The following BAZ2A variants were observed in gnomAD, a reference collection of about 807,000 sequenced individuals.
The protein encoded by BAZ2A is bromodomain adjacent to zinc finger domain protein 2A.
In BAZ2A, 34 loss-of-function variants were observed where a neutral mutation model predicts 199.9. The ratio of observed to expected loss-of-function variants is 0.17; its 90% confidence interval spans 0.13 to 0.23. BAZ2A has a LOEUF of 0.23. BAZ2A is among the 10% of genes least tolerant of loss of function. The probability of loss-of-function intolerance (pLI) is 1.00; values close to 1 mark genes in which losing one functional copy is unlikely to be tolerated. For synonymous variants in BAZ2A, 857 were observed against 883.9 expected (o/e 0.97, Z 0.54); for missense variants, 2,002 against 2,391.1 (o/e 0.84, Z 3.39).
At position 56,601,023 on chromosome 12, in the gene BAZ2A, C is replaced by T; in HGVS notation, c.4370G>A (p.Gly1457Asp). ...TTTGTGAAGTGCCTTCTCCCGGATA[C>T]CTCGGGGGTGTAGGGCCTTGAGCAT... is the stretch of plus-strand genomic sequence containing the variant. ...DAMLKALHPR[G>D]IREKALHKHL... Residue 1457 changes from glycine to aspartate, a missense_variant, in exon 22 of 29, where the codon GGT becomes GAT. Gly to Asp is a moderately conservative substitution (Grantham distance 94). Coordinates refer to ENST00000549884, the MANE Select transcript of BAZ2A (RefSeq NM_001300905.2). 1.2e-6 allele frequency: 2 copies of T among 1,610,724 alleles called. No individual in the cohort carries two copies. The highest frequency in any genetic ancestry group is 1.7e-6 in the Non-Finnish European group (2 of 1,178,404).
rs748680312 is a variant in BAZ2A, at chr12:56,600,460, G to A, written c.4633C>T (p.Arg1545Cys). 2.5e-6 allele frequency: 4 copies of A among 1,613,802 alleles called. No individual in the cohort carries two copies. Among genetic ancestry groups the A allele is most frequent in the Admixed American group, 1.7e-5 (1 of 60,020 alleles). ...GWTCPSPDST[R>C]EDLAYCEHLS... is the part of the protein sequence containing the mutation. Reference sequence around the variant, plus strand: ...TGCTCACAGTAGGCCAAGTCTTCACGGGTAGAGTCTGGGCTAGGACATGTC... The same window carrying A: ...TGCTCACAGTAGGCCAAGTCTTCACAGGTAGAGTCTGGGCTAGGACATGTC... The change falls in exon 24 of 29, where the codon CGT becomes TGT. Residue 1545 changes from arginine to cysteine, a missense_variant. Physicochemically the swap from Arg to Cys is radical, Grantham distance 180. Around this residue, in one of 6 missense-constraint regions of BAZ2A, gnomAD observed 1,081 missense variants for 1,274.7 expected, o/e 0.85. Coordinates refer to ENST00000549884, the MANE Select transcript of BAZ2A (RefSeq NM_001300905.2).
intron 2 of BAZ2A, among the ~76,000 whole-genome samples, chr12:56,615,955 G>A (rs1485794293): frequency 1.3e-5 from 2 of 152,184 alleles, no homozygotes; most frequent in African/African-American, 4.8e-5. Context: ...CCAGGCTGGA[G>A]TGCAGTGGTG....
At chr12:56,623,031 T>C (rs1285364702) in intron 1 of BAZ2A, among the ~76,000 whole-genome samples, 3 of 151,790 alleles carry the variant, frequency 2.0e-5, no homozygotes, top group Non-Finnish European at 2.9e-5. Flanking sequence ...GGTCAAGAGA[T>C]CGAGACCATC....
Position 56,617,456 on chromosome 12 carries a change from A to G in BAZ2A, c.75T>C (p.Pro25=). The G allele has an allele frequency of 6.2e-7, 1 of 1,608,340 alleles. No individual in the cohort carries two copies. The change falls in exon 2 of 29, where the codon CCT becomes CCC. Residue 25 remains proline, a synonymous_variant. Coordinates refer to ENST00000549884, the MANE Select transcript of BAZ2A (RefSeq NM_001300905.2). ...TAGTGTAGAGGCCCTCCCCTGAGGAAGGAGAGGGTTTCAGTCCTGAGGCAG... is the reference window on the plus strand; with the variant it reads ...TAGTGTAGAGGCCCTCCCCTGAGGAGGGAGAGGGTTTCAGTCCTGAGGCAG... ...APAASGLKPS[P]SSGEGLYTNG...
chr12:56,598,749 G>A lies in BAZ2A; in HGVS notation c.5581C>T (p.Leu1861Phe), dbSNP rs1169785332. 4.3e-6 allele frequency: 7 copies of A among 1,612,896 alleles called. No individual in the cohort carries two copies. The highest frequency in any genetic ancestry group is 5.1e-6 in the Non-Finnish European group (6 of 1,179,414). Residue 1861 changes from leucine (L) to phenylalanine (F), a missense_variant, in exon 29 of 29, where the codon CTC becomes TTC. Around this residue, in one of 6 missense-constraint regions of BAZ2A, gnomAD observed 76 missense variants for 139.3 expected, o/e 0.55. Transcript: ENST00000549884. ...GTCTGGCAGTTGTCAAATACCAGGAGGGCATCAGCCGCAAACTCCTCTGAG... is the reference window on the plus strand; with the variant it reads ...GTCTGGCAGTTGTCAAATACCAGGAAGGCATCAGCCGCAAACTCCTCTGAG... ...TSSEEFAADA[L>F]LVFDNCQTFN...
At chr12:56,602,431 G>A (rs953363847) in intron 19 of BAZ2A, among the ~76,000 whole-genome samples, 2 of 152,044 alleles carry the variant, frequency 1.3e-5, no homozygotes, top group Non-Finnish European at 2.9e-5. Context: ...AAACAACTAC[G>A]GGTTAAGTAT....
In BAZ2A at chr12:56,599,970, G is replaced by A; in HGVS notation, c.5019C>T (p.Asn1673=). The A allele has an allele frequency of 1.2e-6, 2 of 1,613,966 alleles. No homozygotes were observed. Among genetic ancestry groups the A allele is most frequent in the Non-Finnish European group, 8.5e-7 (1 of 1,179,876 alleles). The stretch of plus-strand genomic sequence containing the variant: ...GGCTCTCTCAGCCTCTTACCACTTT[G>A]TTGACAGACTTCTCCCAGGCAATGG... ...ERSIAWEKSV[N]KVTCLVCRKG... Residue 1673 remains asparagine (N), a synonymous_variant, in exon 25 of 29, where the codon AAC becomes AAT. Coordinates refer to ENST00000549884, the MANE Select transcript of BAZ2A (RefSeq NM_001300905.2).
chr12:56,603,888 C>G (rs1309457612), intron 16 of BAZ2A, among the ~76,000 whole-genome samples, 188 bp from the exon 17 acceptor site: 1 of 152,186 alleles, frequency 6.6e-6, no homozygotes, highest in African/African-American at 2.4e-5. Context: ...TGGCATGGGC[C>G]TGTAATCCCA....
In BAZ2A at chr12:56,600,113, G is replaced by A. The variant is rs1432337415; in HGVS notation, c.4893-17C>T. On this transcript the variant is annotated splice_polypyrimidine_tract_variant and intron_variant, in intron 24 of 28. Transcript: ENST00000549884. ...TCATATGATCTGGAGGGAGAAAGTG[G>A]TGATCTTTGGAGAAGGAGCGGATCC... The A allele has an allele frequency of 1.9e-6, 3 of 1,613,682 alleles. No individual in the cohort carries two copies. Among genetic ancestry groups the A allele is most frequent in the Non-Finnish European group, 2.5e-6 (3 of 1,179,696 alleles).
intron 3 of BAZ2A, 153 bp downstream of exon 3, chr12:56,614,861 G>T: frequency 1.3e-6 from 1 of 793,982 alleles, no homozygotes; most frequent in Non-Finnish European, 2.0e-6. Flanking sequence ...AAAAACACCA[G>T]CCACTTGGCT....
upstream of BAZ2A, chr12:56,630,346 C>A (rs1005540421): frequency 2.5e-4 from 233 of 925,130 alleles, no homozygotes; most frequent in Non-Finnish European, 2.8e-4. Context: ...CCGGAGGGGG[C>A]GGAGAAGCCT....
chr12:56,626,318 C>A (rs990968542), intron 1 of BAZ2A, among the ~76,000 whole-genome samples: 1 of 152,214 alleles, frequency 6.6e-6, no homozygotes, highest in African/African-American at 2.4e-5. Context: ...ATACATCTTA[C>A]ACAAGGTCAA....
At chr12:56,620,249 T>G (rs889451439) in intron 1 of BAZ2A, among the ~76,000 whole-genome samples, 3 of 152,034 alleles carry the variant, frequency 2.0e-5, no homozygotes, top group African/African-American at 7.2e-5. Flanking sequence ...GATTCAAAGT[T>G]GTCCTGGGTG....
chr12:56,636,056 C>T, intron 1 of BAZ2A: 1 of 1,211,046 alleles, frequency 8.3e-7, no homozygotes, highest in Non-Finnish European at 1.2e-6. Context: ...CCCCCCGTCC[C>T]CCAGAGTCCT....
At chr12:56,605,423 A>ATTTT (rs376954501) in intron 13 of BAZ2A, 96 bp from the exon 14 acceptor site, 13 of 1,067,188 alleles carry the variant, frequency 1.2e-5, no homozygotes, top group Admixed American at 3.3e-5. Flanking sequence ...TTTTTATGTA[A>ATTTT]TTTTTTTTTT....
intron 21 of BAZ2A, 41 bp from the exon 22 acceptor site, chr12:56,601,139 G>A: frequency 6.2e-7 from 1 of 1,613,934 alleles, no homozygotes; most frequent in Non-Finnish European, 8.5e-7. Flanking sequence ...CAGCTGTGAA[G>A]CACTGCCCAC....
At position 56,600,469 on chromosome 12, in the gene BAZ2A, C is replaced by T; in HGVS notation, c.4624G>A (p.Asp1542Asn). 6.2e-7 allele frequency: 1 copy of T among 1,613,472 alleles called. No individual in the cohort carries two copies. Residue 1542 changes from aspartate (D) to asparagine (N), a missense_variant, in exon 24 of 29, where the codon GAC (aspartate) becomes AAC (asparagine). Around this residue, in one of 6 missense-constraint regions of BAZ2A, gnomAD observed 1,081 missense variants for 1,274.7 expected, o/e 0.85. Transcript: ENST00000549884. The stretch of plus-strand genomic sequence containing the variant: ...TAGGCCAAGTCTTCACGGGTAGAGT[C>T]TGGGCTAGGACATGTCCAGCCCTTC... ...QIRGWTCPSP[D>N]STREDLAYCE...
upstream of BAZ2A, chr12:56,636,427 G>A (rs1223237191): frequency 3.7e-6 from 5 of 1,340,152 alleles, 1 homozygote; most frequent in Middle Eastern, 9.5e-4. Context: ...TGGGTGGAGA[G>A]AGGGAGGAGG....
chr12:56,638,285 G>A, upstream of BAZ2A: 2 of 1,556,326 alleles, frequency 1.3e-6, no homozygotes, highest in South Asian at 1.1e-5. Flanking sequence ...TTTTGGGTTA[G>A]GGGCAAGGAG....
Sources: gnomAD v4.1 joint callset for allele counts (sites outside exome capture counted in the v4.1 genomes callset) on GRCh38, gnomAD v4.1.1 for gene constraint, gnomAD v4.1.1 regional missense constraint, MANE v1.5 for transcripts, NCBI Gene and HGNC (gene_info 2026-07-23, HGNC 2026-07-21) for gene names.